Variants in ENAH observed in about 807,000 individuals in gnomAD.
ENAH encodes protein enabled homolog.
A neutral mutation model predicts 78.7 loss-of-function variants in ENAH; 23 were observed. The ratio of observed to expected loss-of-function variants is 0.29; its 90% CI spans 0.21 to 0.41. The LOEUF (loss-of-function observed/expected upper bound fraction) is 0.41. Ranked by LOEUF, ENAH falls within the 10% of genes least tolerant of loss-of-function variation. ENAH has a pLI of 1.00. For synonymous variants in ENAH, 226 were observed against 241.0 expected, an observed-to-expected ratio of 0.94 and a Z score of 0.58; for missense variants, 544 against 691.0, an observed-to-expected ratio of 0.79 and a Z score of 2.39.
chr1:225,507,564 AG>A lies in ENAH; in HGVS notation c.1538+386del, dbSNP rs1463566542. On this transcript the variant is annotated intron_variant, in intron 11 of 13. Coordinates refer to ENST00000366843, the MANE Select transcript of ENAH (RefSeq NM_018212.6). The stretch of plus-strand genomic sequence containing the variant: ...TTTCAAACTAATCAGAGGGGAAAAA[AG>A]TGTGGATAGGTAGATATTTAAGACA... 2.0e-5 allele frequency among the ~76,000 whole-genome samples: 3 copies of A among 152,124 alleles called. No homozygotes were observed. In the East Asian group the frequency reaches 5.8e-4, roughly 29 times the overall value.
At chr1:225,601,475 G>A (rs1012273695) in intron 1 of ENAH, among the ~76,000 whole-genome samples, 11 of 150,194 alleles carry the variant, frequency 7.3e-5, no homozygotes, top group Admixed American at 2.7e-4. Context: ...CCAAGATGGC[G>A]CCACTGCACG....
At chr1:225,629,525 T>C (rs1317910012) in intron 1 of ENAH, among the ~76,000 whole-genome samples, 1 of 150,706 alleles carries the variant, frequency 6.6e-6, no homozygotes, top group East Asian at 1.9e-4. Flanking sequence ...AAGCGGAGGT[T>C]GCAGTGAGCC....
chr1:225,644,226 T>C (rs1303140116), intron 1 of ENAH, among the ~76,000 whole-genome samples: 2 of 152,044 alleles, frequency 1.3e-5, no homozygotes. Context: ...TCAAAATCTG[T>C]ACTACTTTAC....
At chr1:225,592,941 TTCTC>T (rs1315415569) in intron 1 of ENAH, among the ~76,000 whole-genome samples, 1 of 152,140 alleles carries the variant, frequency 6.6e-6, no homozygotes, top group African/African-American at 2.4e-5. Context: ...TTATTTCTCT[TTCTC>T]TCTCCACATC....
intron 1 of ENAH, among the ~76,000 whole-genome samples, chr1:225,590,447 AAAAAAG>A (rs954782432): frequency 7.8e-5 from 11 of 141,316 alleles, no homozygotes; most frequent in Non-Finnish European, 1.8e-4. Context: ...CTGTCTCAAA[AAAAAAG>A]AAAAAAGAAA....
At chr1:225,529,092 C>CAATA (rs2096525407) in intron 4 of ENAH, among the ~76,000 whole-genome samples, 2 of 152,320 alleles carry the variant, frequency 1.3e-5, no homozygotes, top group South Asian at 4.1e-4. Flanking sequence ...AGTCGTCTCT[C>CAATA]AATAGTGTAG....
chr1:225,620,018 T>C (rs1656509924), intron 1 of ENAH, among the ~76,000 whole-genome samples: 1 of 152,130 alleles, frequency 6.6e-6, no homozygotes, highest in Non-Finnish European at 1.5e-5. Flanking sequence ...GTGTAACACA[T>C]ACTTCAAGGA....
Position 225,530,606 on chromosome 1 carries a change from G to A in ENAH, c.382C>T (p.Pro128Ser). 1 of 1,613,562 alleles carries A rather than the reference G, an allele frequency of 6.2e-7. No homozygotes were observed. The highest frequency in any genetic ancestry group is 8.5e-7 in the Non-Finnish European group (1 of 1,179,606). The change falls in exon 4 of 14, where the codon CCT becomes TCT. Residue 128 changes from proline (P) to serine (S), a missense_variant. By Grantham distance (74) the Pro-to-Ser change is moderately conservative. This residue lies in a region of ENAH where 366 missense variants were observed against 396.1 expected (regional missense o/e 0.92). Coordinates refer to ENST00000366843, the MANE Select transcript of ENAH (RefSeq NM_018212.6). Reference sequence around the variant, plus strand: ...GATGGGCCATTTTGAACTTGAGCAGGTAGTTGTGAGTTTTGTCTAGGCAAT... The same window carrying A: ...GATGGGCCATTTTGAACTTGAGCAGATAGTTGTGAGTTTTGTCTAGGCAAT... ...PTLPRQNSQL[P>S]AQVQNGPSQE...
intron 1 of ENAH, among the ~76,000 whole-genome samples, chr1:225,585,853 A>T (rs2096843449): frequency 6.6e-6 from 1 of 152,158 alleles, no homozygotes; most frequent in African/African-American, 2.4e-5. Context: ...ACGAATGGGA[A>T]ATTTATAGTT....
chr1:225,588,256 A>T (rs971630706), intron 1 of ENAH, among the ~76,000 whole-genome samples: 1 of 152,210 alleles, frequency 6.6e-6, no homozygotes, highest in Non-Finnish European at 1.5e-5. Flanking sequence ...AAAATCTACG[A>T]AACATAAATC....
chr1:225,586,841 T>C (rs2096849670), intron 1 of ENAH, among the ~76,000 whole-genome samples: 1 of 147,998 alleles, frequency 6.8e-6, no homozygotes, highest in African/African-American at 2.5e-5. Flanking sequence ...CTGGCCAACA[T>C]GGTGAAACCC....
At position 225,495,841 on chromosome 1, in the gene ENAH, A is replaced by C. The variant is rs917943186; in HGVS notation, c.*1934T>G. 6.6e-6 allele frequency: 1 copy of C among 152,628 alleles called. No homozygotes were observed. Among genetic ancestry groups the C allele is most frequent in the African/African-American group, 2.4e-5 (1 of 41,454 alleles). The allele number at this position is 152,628 out of a possible 1,614,324, so 9.5% of individuals were successfully genotyped here. A position where few individuals can be genotyped will look rare whatever the true frequency, so the allele number is the denominator to read the frequency against. ...CAATGAATATCTGATAGAAAAAAGAAATGTATACTTGAATTATGATAGCTC... is the reference window on the plus strand; with the variant it reads ...CAATGAATATCTGATAGAAAAAAGACATGTATACTTGAATTATGATAGCTC... On this transcript the variant is annotated 3_prime_UTR_variant, in exon 14 of 14. Transcript: ENST00000366843.
At chr1:225,510,461 C>A (rs1305118146) in intron 10 of ENAH, among the ~76,000 whole-genome samples, 1 of 152,012 alleles carries the variant, frequency 6.6e-6, no homozygotes, top group Admixed American at 6.6e-5. Context: ...AGAGTACATA[C>A]AATTAATTTT....
At chr1:225,573,207 C>T (rs897412861) in intron 1 of ENAH, among the ~76,000 whole-genome samples, 2 of 152,158 alleles carry the variant, frequency 1.3e-5, no homozygotes, top group Admixed American at 1.3e-4. Flanking sequence ...TCAAAGATAT[C>T]ACTTATTAAT....
intron 2 of ENAH, 40 bp from the exon 3 acceptor site, chr1:225,555,123 T>C (rs1185402763): frequency 1.4e-6 from 2 of 1,469,940 alleles, no homozygotes; most frequent in Admixed American, 1.8e-5. Context: ...AACCAATAAT[T>C]GGCAAAATCA....
intron 10 of ENAH, 134 bp downstream of exon 10, chr1:225,511,677 G>A (rs1004504758): frequency 1.9e-6 from 1 of 539,120 alleles, no homozygotes; most frequent in Non-Finnish European, 3.2e-6. Context: ...ATGCTTTCAG[G>A]TGGGAACAAA....
intron 1 of ENAH, among the ~76,000 whole-genome samples, chr1:225,603,674 T>A (rs1175568310): frequency 6.6e-6 from 1 of 152,186 alleles, no homozygotes; most frequent in Non-Finnish European, 1.5e-5. Flanking sequence ...ATGAGTCATG[T>A]TTATTTTCAA....
At chr1:225,497,948 C>G in intron 13 of ENAH, 136 bp from the exon 14 acceptor site, 1 of 660,004 alleles carries the variant, frequency 1.5e-6, no homozygotes, top group South Asian at 2.0e-5. Flanking sequence ...TCTTTCATTG[C>G]ACACATCTTT....
chr1:225,517,947 C>T (rs780341932), intron 5 of ENAH: 1 of 1,548,512 alleles, frequency 6.5e-7, no homozygotes, highest in Non-Finnish European at 8.7e-7. Context: ...AACTGGAATA[C>T]TCAGGAAGTG....
Sources: gnomAD v4.1 joint callset for allele counts (sites outside exome capture counted in the v4.1 genomes callset) on GRCh38, gnomAD v4.1.1 for gene constraint, gnomAD v4.1.1 regional missense constraint, MANE v1.5 for transcripts, NCBI Gene and HGNC (gene_info 2026-07-23, HGNC 2026-07-21) for gene names.